ANKS1B: variants seen among roughly 807,000 people sequenced by gnomAD.
ANKS1B encodes ankyrin repeat and sterile alpha motif domain containing 1B, also known as ankyrin repeat and sterile alpha motif domain-containing protein 1B.
ANKS1B carries 36 observed loss-of-function variants against 148.3 expected under a neutral mutation model. The ratio of observed to expected loss-of-function variants is 0.24; its 90% CI spans 0.19 to 0.32. The LOEUF (loss-of-function observed/expected upper bound fraction) is 0.32. Ranked by LOEUF, ANKS1B falls within the 10% of genes least tolerant of loss-of-function variation. ANKS1B has a pLI of 1.00. For missense variants in ANKS1B, 1,157 were observed against 1,542.6 expected (o/e 0.75, Z 4.19); for synonymous variants, 542 against 560.8 (o/e 0.97, Z 0.47).
At chr12:99,080,296 G>A (rs1309454439) in intron 16 of ANKS1B, among the ~76,000 whole-genome samples, 1 of 152,160 alleles carries the variant, frequency 6.6e-6, no homozygotes, top group East Asian at 1.9e-4. Flanking sequence ...ATAACAAAGG[G>A]CTTATGGAAT....
At chr12:99,892,073 G>A (rs1447557008) in intron 1 of ANKS1B, among the ~76,000 whole-genome samples, 1 of 151,986 alleles carries the variant, frequency 6.6e-6, no homozygotes, top group African/African-American at 2.4e-5. Flanking sequence ...GCATGATCTC[G>A]GCTCACTGCA....
At chr12:99,506,771 T>C (rs1243516096) in intron 9 of ANKS1B, among the ~76,000 whole-genome samples, 1 of 152,036 alleles carries the variant, frequency 6.6e-6, no homozygotes, top group African/African-American at 2.4e-5. Flanking sequence ...ATTAATGATA[T>C]TGTTTACCTT....
At chr12:99,161,942 G>A (rs900260397) in intron 14 of ANKS1B, among the ~76,000 whole-genome samples, 2 of 152,102 alleles carry the variant, frequency 1.3e-5, no homozygotes, top group Non-Finnish European at 2.9e-5. Context: ...ACCCTTGAGA[G>A]GATAAATACA....
intron 17 of ANKS1B, among the ~76,000 whole-genome samples, chr12:99,035,060 G>T (rs1005155843): frequency 6.6e-6 from 1 of 152,026 alleles, no homozygotes; most frequent in African/African-American, 2.4e-5. Flanking sequence ...CAAAATGAAG[G>T]CCTCAGAAGC....
chr12:99,487,162 C>T (rs75991497), intron 10 of ANKS1B, among the ~76,000 whole-genome samples: 5,958 of 152,310 alleles, frequency 0.039, 169 homozygotes, highest in South Asian at 0.084. Flanking sequence ...CCAGGTCCTT[C>T]TGAACCACAG....
At chr12:99,594,099 G>C (rs961883380) in intron 9 of ANKS1B, among the ~76,000 whole-genome samples, 1 of 151,890 alleles carries the variant, frequency 6.6e-6, no homozygotes, top group Non-Finnish European at 1.5e-5. Flanking sequence ...TCTAAAATGG[G>C]GGTATTTATC....
At chr12:99,886,027 T>C (rs978463717) in intron 1 of ANKS1B, among the ~76,000 whole-genome samples, 1 of 152,226 alleles carries the variant, frequency 6.6e-6, no homozygotes, top group Non-Finnish European at 1.5e-5. Context: ...TTAGGTTGGT[T>C]CCTTATCTTT....
At chr12:99,378,575 A>C (rs2093489725) in intron 12 of ANKS1B, among the ~76,000 whole-genome samples, 1 of 151,040 alleles carries the variant, frequency 6.6e-6, no homozygotes, top group South Asian at 2.1e-4. Flanking sequence ...GAATTGCTTG[A>C]ACCTGGGAGG....
intron 11 of ANKS1B, among the ~76,000 whole-genome samples, chr12:99,423,221 A>G (rs1470282991): frequency 6.6e-6 from 1 of 152,238 alleles, no homozygotes; most frequent in Non-Finnish European, 1.5e-5. Context: ...ACATTAAAAT[A>G]AGATTATGAA....
chr12:99,945,732 A>G (rs893389257), intron 1 of ANKS1B, among the ~76,000 whole-genome samples: 3 of 152,316 alleles, frequency 2.0e-5, no homozygotes, highest in Middle Eastern at 3.4e-3. Flanking sequence ...TGGAACACAG[A>G]CTGAGCAGAA....
intron 9 of ANKS1B, among the ~76,000 whole-genome samples, chr12:99,589,381 A>C (rs1404426381): frequency 6.6e-6 from 1 of 152,196 alleles, no homozygotes; most frequent in Non-Finnish European, 1.5e-5. Flanking sequence ...TTTCATCTGA[A>C]GTTCCCCTTC....
chr12:99,303,606 A>G (rs912150744), intron 12 of ANKS1B, among the ~76,000 whole-genome samples: 1 of 152,144 alleles, frequency 6.6e-6, no homozygotes, highest in African/African-American at 2.4e-5. Context: ...AAAGTAGAAG[A>G]ACACAGAGAC....
At position 99,642,478 on chromosome 12, in the gene ANKS1B, G is replaced by A. The variant is rs114900579; in HGVS notation, c.1272+12589C>T. Among the ~76,000 whole-genome samples the A allele has an allele frequency of 8.0e-3, 1,223 of 152,222 alleles. 23 individuals are homozygous for A. Among genetic ancestry groups the A allele is most frequent in the African/African-American group, 0.028 (1,170 of 41,532 alleles). The stretch of plus-strand genomic sequence containing the variant: ...AAAAGTTTAAAAGACATTTCACAGG[G>A]CTAAAATTAAGGTGTTAGCAGGGCT... On this transcript the variant is annotated intron_variant, in intron 9 of 26. Transcript: ENST00000683438.
intron 15 of ANKS1B, among the ~76,000 whole-genome samples, chr12:99,132,701 G>T (rs1398128584): frequency 1.3e-5 from 2 of 152,096 alleles, no homozygotes; most frequent in Non-Finnish European, 2.9e-5. Context: ...ATTAACTATT[G>T]TCCTTACTTA....
chr12:98,832,366 C>A (rs1233338193), intron 17 of ANKS1B, among the ~76,000 whole-genome samples: 2 of 152,218 alleles, frequency 1.3e-5, no homozygotes, highest in Non-Finnish European at 2.9e-5. Context: ...GTTCTCCTTC[C>A]ACTCATGCTG....
At chr12:98,842,769 T>C (rs1442358876) in intron 17 of ANKS1B, among the ~76,000 whole-genome samples, 4 of 152,166 alleles carry the variant, frequency 2.6e-5, no homozygotes, top group Non-Finnish European at 5.9e-5. Flanking sequence ...GCAGGATGTC[T>C]TAAGGAAAAT....
intron 6 of ANKS1B, among the ~76,000 whole-genome samples, 180 bp from the exon 7 acceptor site, chr12:99,775,841 T>C (rs375171437): frequency 6.6e-6 from 1 of 152,206 alleles, no homozygotes; most frequent in African/African-American, 2.4e-5. Flanking sequence ...TGATGAGCTA[T>C]TTAATTAAAG....
intron 17 of ANKS1B, among the ~76,000 whole-genome samples, chr12:98,903,010 A>G (rs1003691996): frequency 6.6e-6 from 1 of 152,146 alleles, no homozygotes; most frequent in African/African-American, 2.4e-5. Context: ...TTTTTTCTCT[A>G]CAGGATTTTT....
chr12:99,508,240 T>C (rs1435980026), intron 9 of ANKS1B, among the ~76,000 whole-genome samples: 1 of 151,820 alleles, frequency 6.6e-6, no homozygotes, highest in Admixed American at 6.6e-5. Flanking sequence ...CCTAGGTGTT[T>C]TGTTATTTAG....
Sources: gnomAD v4.1 joint callset for allele counts (sites outside exome capture counted in the v4.1 genomes callset) on GRCh38, gnomAD v4.1.1 for gene constraint, MANE v1.5 for transcripts, NCBI Gene and HGNC (gene_info 2026-07-23, HGNC 2026-07-21) for gene names.